Variants in GPHN observed in about 807,000 individuals in gnomAD.
The protein encoded by GPHN is gephyrin.
GPHN carries 17 observed loss-of-function variants against 95.5 expected under a neutral mutation model. That is an observed-to-expected ratio of 0.18 (90% CI 0.12 to 0.27). The LOEUF is 0.27. Among genes scored for constraint, GPHN ranks in the 10% least tolerant of loss-of-function variants. The pLI is 1.00. For synonymous variants in GPHN, 320 were observed against 322.5 expected (o/e 0.99, Z 0.08); for missense variants, 660 against 978.1 (o/e 0.67, Z 4.34).
the GPHN span, among the ~76,000 whole-genome samples, chr14:67,432,597 T>A: frequency 1.3e-5 from 2 of 152,196 alleles, no homozygotes; most frequent in African/African-American, 4.8e-5. Flanking sequence ...ACAGACTATG[T>A]GAAGAGCCTG....
the GPHN span, among the ~76,000 whole-genome samples, chr14:67,240,492 T>C: frequency 6.6e-6 from 1 of 152,178 alleles, no homozygotes; most frequent in Non-Finnish European, 1.5e-5. Context: ...ACAGGCATAG[T>C]TTGGCCTCAT....
the GPHN span, chr14:67,376,570 T>C: frequency 6.2e-7 from 1 of 1,614,016 alleles, no homozygotes; most frequent in South Asian, 1.1e-5. Context: ...GTGCCTATGA[T>C]GCATTTAAGC....
chr14:67,111,658 T>C (rs190902145), intron 14 of GPHN, among the ~76,000 whole-genome samples: 1 of 152,212 alleles, frequency 6.6e-6, no homozygotes, highest in African/African-American at 2.4e-5. Context: ...AGAAAAAAAT[T>C]TTTTATTTAT....
intron 4 of GPHN, chr14:66,842,707 C>T (rs2062148304): frequency 6.5e-7 from 1 of 1,533,218 alleles, no homozygotes; most frequent in African/African-American, 1.4e-5. Context: ...TTTGTGGGCT[C>T]CAGAAAGGGG....
chr14:66,658,677 A>G (rs1350269414), intron 1 of GPHN, among the ~76,000 whole-genome samples: 1 of 152,166 alleles, frequency 6.6e-6, no homozygotes, highest in Non-Finnish European at 1.5e-5. Context: ...ACATTTTGAA[A>G]ACGTAATCCT....
the GPHN span, among the ~76,000 whole-genome samples, chr14:67,549,926 T>G: frequency 2.0e-5 from 3 of 152,196 alleles, no homozygotes; most frequent in Non-Finnish European, 2.9e-5. Flanking sequence ...CTTACGCCCT[T>G]GAAAGTCTCT....
intron 8 of GPHN, among the ~76,000 whole-genome samples, chr14:66,951,586 C>CA (rs942320756): frequency 9.4e-5 from 14 of 149,252 alleles, no homozygotes; most frequent in African/African-American, 3.4e-4. Context: ...GATAGAATTG[C>CA]AAAGGGCAAA....
At chr14:67,407,010 G>A in the GPHN span, among the ~76,000 whole-genome samples, 1 of 152,166 alleles carries the variant, frequency 6.6e-6, no homozygotes, top group South Asian at 2.1e-4. Context: ...ATCCCTTTTG[G>A]AGAGAAGGAC....
chr14:66,931,262 A>G (rs2066777517), intron 8 of GPHN, among the ~76,000 whole-genome samples: 1 of 151,826 alleles, frequency 6.6e-6, no homozygotes, highest in Non-Finnish European at 1.5e-5. Context: ...TTTTCTCTTG[A>G]TGCTTTTAGG....
the GPHN span, chr14:67,724,468 G>A: frequency 6.3e-6 from 10 of 1,584,458 alleles, no homozygotes; most frequent in South Asian, 1.1e-5. Flanking sequence ...TTCCCTTGCC[G>A]ATAGGAAGTT....
intron 9 of GPHN, among the ~76,000 whole-genome samples, chr14:66,990,441 T>G (rs1335440566): frequency 6.6e-6 from 1 of 152,230 alleles, no homozygotes; most frequent in African/African-American, 2.4e-5. Flanking sequence ...GATCTTCTCA[T>G]GAGACTTCAT....
At chr14:67,598,224 A>G in the GPHN span, among the ~76,000 whole-genome samples, 2 of 152,322 alleles carry the variant, frequency 1.3e-5, no homozygotes, top group South Asian at 2.1e-4. Context: ...CAGAGCCCTT[A>G]GAAAGTGTTG....
At chr14:67,726,173 A>T in the GPHN span, 1 of 1,452,934 alleles carries the variant, frequency 6.9e-7, no homozygotes, top group Non-Finnish European at 9.7e-7. Context: ...TCTTTGGGTG[A>T]CTAAAAAATG....
At chr14:67,173,980 C>G (rs1289853292) in intron 21 of GPHN, among the ~76,000 whole-genome samples, 2 of 151,950 alleles carry the variant, frequency 1.3e-5, no homozygotes, top group African/African-American at 4.8e-5. Flanking sequence ...GAAGATAGGT[C>G]ATTTGAAATT....
At chr14:66,585,676 A>G (rs1471277074) in intron 1 of GPHN, among the ~76,000 whole-genome samples, 1 of 152,112 alleles carries the variant, frequency 6.6e-6, no homozygotes, top group African/African-American at 2.4e-5. Context: ...CAGGTTGTTC[A>G]GTTTCCATGT....
chr14:66,828,370 A>G (rs1475343076), intron 4 of GPHN, among the ~76,000 whole-genome samples: 1 of 152,106 alleles, frequency 6.6e-6, no homozygotes. Context: ...GAATTTAGAA[A>G]TATAATCCTC....
the GPHN span, chr14:67,541,994 G>A: frequency 1.9e-6 from 3 of 1,603,172 alleles, no homozygotes; most frequent in South Asian, 1.1e-5. Context: ...GGCTGACAAG[G>A]TGAGTCCCTC....
intron 2 of GPHN, among the ~76,000 whole-genome samples, chr14:66,750,144 A>G (rs955155306): frequency 3.3e-5 from 5 of 151,914 alleles, no homozygotes; most frequent in African/African-American, 1.2e-4. Flanking sequence ...TTGCTGTCAT[A>G]TCTAAAAAGT....
At position 66,508,518 on chromosome 14, in the gene GPHN, G is replaced by A. The variant is rs772202248; in HGVS notation, c.-10G>A. The A allele has an allele frequency of 1.2e-6, 2 of 1,613,750 alleles. No individual in the cohort carries two copies. The highest frequency in any genetic ancestry group is 8.5e-7 in the Non-Finnish European group (1 of 1,179,766). ...CGGCTCCTGTCAGTGCGGTGACTGCGCTGGGAAACATGGCGACCGAGGGAA... is the reference window on the plus strand; with the variant it reads ...CGGCTCCTGTCAGTGCGGTGACTGCACTGGGAAACATGGCGACCGAGGGAA... On this transcript the variant is annotated 5_prime_UTR_variant, in exon 1 of 23. Transcript: ENST00000478722.
Sources: allele counts gnomAD v4.1 joint callset (sites outside exome capture counted in the v4.1 genomes callset), GRCh38; gene constraint gnomAD v4.1.1; transcripts MANE v1.5; gene names NCBI Gene and HGNC (gene_info 2026-07-23, HGNC 2026-07-21).